The following KIAA1671 variants were observed in gnomAD, a reference collection of about 807,000 sequenced individuals.
KIAA1671 encodes KIAA1671.
KIAA1671 carries 52 observed loss-of-function variants against 131.2 expected under a neutral mutation model. That is an observed-to-expected ratio of 0.40 (90% CI 0.32 to 0.50). The LOEUF (loss-of-function observed/expected upper bound fraction) is 0.50, where lower values mean the gene tolerates loss of function less well. KIAA1671 is among the 20% of genes least tolerant of loss of function. The pLI, the probability that KIAA1671 is intolerant of heterozygous loss-of-function variation, is 0.73. For synonymous variants in KIAA1671, 1,003 were observed against 961.6 expected (o/e 1.04, Z -0.80); for missense variants, 2,360 against 2,364.2 (o/e 1.00, Z 0.04).
At chr22:24,962,948 G>A (rs1175002381) in intron 1 of KIAA1671, among the ~76,000 whole-genome samples, 2 of 151,940 alleles carry the variant, frequency 1.3e-5, no homozygotes, top group African/African-American at 4.8e-5. Context: ...AAAGAGTCAC[G>A]GGGAGCTCTG....
Position 25,040,454 on chromosome 22 carries a change from T to C in KIAA1671, c.3324T>C (p.Arg1108=), listed in dbSNP as rs1423594830. Residue 1108 remains arginine (R), a synonymous_variant, in exon 5 of 13, where the codon CGT becomes CGC. Coordinates refer to ENST00000358431, the MANE Select transcript of KIAA1671 (RefSeq NM_001145206.2). The stretch of plus-strand genomic sequence containing the variant: ...TAAAAACTCTGAAGCCAACAGACCG[T>C]CCATCATCTCTTGGGGCCTGGAGTC... ...SILKTLKPTD[R]PSSLGAWSLD... 1.2e-5 allele frequency: 19 copies of C among 1,552,042 alleles called. No individual in the cohort carries two copies. Among genetic ancestry groups the C allele is most frequent in the Admixed American group, 3.9e-5 (2 of 50,992 alleles).
chr22:24,954,897 C>G (rs1246696442), intron 1 of KIAA1671, among the ~76,000 whole-genome samples: 2 of 152,196 alleles, frequency 1.3e-5, no homozygotes, highest in South Asian at 4.1e-4. Flanking sequence ...TCTCCGGCCT[C>G]AGCCTCCAGA....
intron 5 of KIAA1671, among the ~76,000 whole-genome samples, chr22:25,044,025 C>A (rs942675139): frequency 6.1e-5 from 8 of 130,550 alleles, no homozygotes; most frequent in African/African-American, 7.0e-5. Flanking sequence ...AATGATCATG[C>A]GGTGAGGATT....
chr22:24,960,451 C>T (rs1602027205), intron 1 of KIAA1671, among the ~76,000 whole-genome samples: 1 of 148,712 alleles, frequency 6.7e-6, no homozygotes, highest in East Asian at 2.0e-4. Flanking sequence ...GAGGCTGAGG[C>T]AGGAGAATTG....
intron 6 of KIAA1671, among the ~76,000 whole-genome samples, chr22:25,091,937 G>A (rs1930047123): frequency 6.6e-6 from 1 of 152,158 alleles, no homozygotes; most frequent in Non-Finnish European, 1.5e-5. Flanking sequence ...CAGCCCCATA[G>A]AGTTTGGCTT....
chr22:25,090,189 C>T (rs151122031), intron 6 of KIAA1671, among the ~76,000 whole-genome samples: 84 of 152,336 alleles, frequency 5.5e-4, no homozygotes, highest in Admixed American at 2.0e-3. Context: ...TCAGGGTTTG[C>T]ACTGGAGTGT....
chr22:25,169,377 C>G (rs940182095), intron 6 of KIAA1671, among the ~76,000 whole-genome samples: 31 of 148,504 alleles, frequency 2.1e-4, no homozygotes, highest in African/African-American at 7.3e-4. Context: ...TGTGATTGCA[C>G]CACTGTACTC....
chr22:24,991,324 C>A lies in KIAA1671; in HGVS notation c.-207-34309C>A, dbSNP rs1247873022. Among the ~76,000 whole-genome samples, 4 of 151,848 alleles carry A rather than the reference C, an allele frequency of 2.6e-5. No homozygotes were observed. In the East Asian group the frequency reaches 5.9e-4, roughly 22 times the overall value. ...AGGCATGAGCCACCATGCCCAGCCCCTTTCTTCCTTATTTTTAGGAATGTC... is the reference window on the plus strand; with the variant it reads ...AGGCATGAGCCACCATGCCCAGCCCATTTCTTCCTTATTTTTAGGAATGTC... On this transcript the variant is annotated intron_variant, in intron 1 of 12. Transcript: ENST00000358431.
rs1926068489 is a variant in KIAA1671 at position 25,028,307 on chromosome 22, C to T, written c.308C>T (p.Ala103Val). The T allele has an allele frequency of 1.9e-6, 3 of 1,551,040 alleles. No individual in the cohort carries two copies. The highest frequency in any genetic ancestry group is 1.4e-5 in the African/African-American group (1 of 73,070). ...GGGGGGCTCTCTGAGGAGCCAGCAG[C>T]AAAGGATCTGGACAACAGGATGCCC... ...PSGGLSEEPA[A>V]KDLDNRMPGL... The change falls in exon 3 of 13, where the codon GCA becomes GTA. Residue 103 changes from alanine (A) to valine (V), a missense_variant. Transcript: ENST00000358431.
intron 1 of KIAA1671, among the ~76,000 whole-genome samples, chr22:25,001,773 G>A (rs5752040): frequency 0.13 from 19,960 of 152,150 alleles, 1,483 homozygotes; most frequent in East Asian, 0.29. Flanking sequence ...AGGCCTGAGT[G>A]CCTGTTGGTT....
At chr22:25,130,034 A>T (rs1221394912) in intron 6 of KIAA1671, among the ~76,000 whole-genome samples, 1 of 152,004 alleles carries the variant, frequency 6.6e-6, no homozygotes, top group Non-Finnish European at 1.5e-5. Context: ...TGAGCCCAGG[A>T]GTTTGAGACC....
intron 1 of KIAA1671, among the ~76,000 whole-genome samples, chr22:25,004,664 AG>A (rs1924647014): frequency 4.2e-5 from 6 of 142,922 alleles, no homozygotes; most frequent in Admixed American, 4.1e-4. Context: ...AGTGTAGAAG[AG>A]GCTGGGCGCG....
chr22:25,111,628 G>T (rs2142840), intron 6 of KIAA1671, among the ~76,000 whole-genome samples: 1 of 152,052 alleles, frequency 6.6e-6, no homozygotes, highest in Non-Finnish European at 1.5e-5. Flanking sequence ...GGTGAGCGGG[G>T]TCTGGCCGAG....
At chr22:25,108,458 G>A (rs1931146336) in intron 6 of KIAA1671, among the ~76,000 whole-genome samples, 2 of 152,154 alleles carry the variant, frequency 1.3e-5, no homozygotes, top group Non-Finnish European at 2.9e-5. Flanking sequence ...GGACTTCATG[G>A]TGTAGGAGCT....
At chr22:25,067,174 T>C (rs528886649) in intron 6 of KIAA1671, among the ~76,000 whole-genome samples, 1 of 152,178 alleles carries the variant, frequency 6.6e-6, no homozygotes, top group East Asian at 1.9e-4. Flanking sequence ...CTTGGGGGTC[T>C]CCATTGTTGG....
intron 8 of KIAA1671, chr22:25,177,036 G>T: frequency 6.0e-6 from 2 of 334,080 alleles, no homozygotes. Context: ...ATGCTTGTGT[G>T]GTGGATGTCA....
chr22:25,070,568 G>T (rs1331841121), intron 6 of KIAA1671, among the ~76,000 whole-genome samples: 1 of 152,190 alleles, frequency 6.6e-6, no homozygotes, highest in Non-Finnish European at 1.5e-5. Context: ...AAGAGAGAAT[G>T]TTGGGGAAAA....
At chr22:25,089,054 C>T (rs1929883665) in intron 6 of KIAA1671, among the ~76,000 whole-genome samples, 1 of 152,124 alleles carries the variant, frequency 6.6e-6, no homozygotes, top group African/African-American at 2.4e-5. Context: ...CTAAACAATA[C>T]AGCATAACAG....
chr22:24,955,777 G>C (rs1358016149), intron 1 of KIAA1671, among the ~76,000 whole-genome samples: 1 of 152,070 alleles, frequency 6.6e-6, no homozygotes, highest in Non-Finnish European at 1.5e-5. Flanking sequence ...TGTAATCCCA[G>C]CACTTTGGGA....
Sources: allele counts gnomAD v4.1 joint callset (sites outside exome capture counted in the v4.1 genomes callset), GRCh38; gene constraint gnomAD v4.1.1; transcripts MANE v1.5; gene names NCBI Gene and HGNC (gene_info 2026-07-23, HGNC 2026-07-21).